Variants in ARMC2 observed in about 807,000 individuals in gnomAD.
The protein encoded by ARMC2 is armadillo repeat-containing protein 2.
Under a neutral mutation model 90.3 loss-of-function variants are expected in ARMC2, and 67 were observed. The ratio of observed to expected loss-of-function variants is 0.74; its 90% CI spans 0.61 to 0.91. ARMC2 has a LOEUF of 0.91. Ranked by LOEUF, ARMC2 falls within the 40% of genes least tolerant of loss-of-function variation. The probability of loss-of-function intolerance (pLI) is 0.00; values close to 1 mark genes in which losing one functional copy is unlikely to be tolerated. For missense variants in ARMC2, 920 were observed against 1,030.9 expected, an observed-to-expected ratio of 0.89 and a Z score of 1.47; for synonymous variants, 393 against 393.0, an observed-to-expected ratio of 1.00 and a Z score of 0.00.
intron 17 of ARMC2, among the ~76,000 whole-genome samples, chr6:108,967,799 G>A (rs368940187): frequency 1.3e-5 from 2 of 152,116 alleles, no homozygotes; most frequent in African/African-American, 2.4e-5. Context: ...GGCTGACTGC[G>A]CTCCATTCCC....
chr6:108,954,862 T>A (rs552293792), intron 13 of ARMC2, among the ~76,000 whole-genome samples: 1 of 152,162 alleles, frequency 6.6e-6, no homozygotes, highest in Non-Finnish European at 1.5e-5. Context: ...TCCCGTAAAC[T>A]GGGGAGCTTC....
intron 1 of ARMC2, among the ~76,000 whole-genome samples, 185 bp from the exon 2 acceptor site, chr6:108,854,040 T>C (rs1248451551): frequency 6.6e-6 from 1 of 152,108 alleles, no homozygotes; most frequent in Non-Finnish European, 1.5e-5. Context: ...CAGTTGTATA[T>C]TTTTGAGGAA....
intron 5 of ARMC2, among the ~76,000 whole-genome samples, chr6:108,881,554 G>A (rs1234777856): frequency 2.6e-5 from 4 of 152,108 alleles, no homozygotes; most frequent in African/African-American, 9.7e-5. Flanking sequence ...TTTAATTAAA[G>A]ATATGAGATC....
In ARMC2 at chr6:108,876,350, G is replaced by C. The variant is rs781647646; in HGVS notation, c.671G>C (p.Gly224Ala). The C allele has an allele frequency of 3.1e-6, 5 of 1,608,000 alleles. No homozygotes were observed. The highest frequency in any genetic ancestry group is 2.7e-5 in the African/African-American group (2 of 74,596). The stretch of plus-strand genomic sequence containing the variant: ...TTACCATCTCATCTCAAGAATGGAG[G>C]GTCAGTATTCTTTTTATTTAATTTT... The part of the protein sequence containing the change: ...TSLPSHLKNG[G>A]DQGKRHARAS... Residue 224 changes from glycine to alanine, a missense_variant and splice_region_variant, in exon 5 of 18, where the codon GGG becomes GCG. Coordinates refer to ENST00000392644, the MANE Select transcript of ARMC2 (RefSeq NM_032131.6).
intron 5 of ARMC2, among the ~76,000 whole-genome samples, chr6:108,889,882 T>C (rs1434793788): frequency 6.6e-6 from 1 of 151,706 alleles, no homozygotes; most frequent in African/African-American, 2.4e-5. Context: ...CTATTGGACT[T>C]TTCCATTAAA....
intron 8 of ARMC2, among the ~76,000 whole-genome samples, chr6:108,907,025 A>T (rs1054625288): frequency 9.2e-5 from 14 of 152,232 alleles, no homozygotes; most frequent in African/African-American, 3.1e-4. Context: ...TCTTAAAGTC[A>T]TAATTTTACG....
At position 108,964,277 on chromosome 6, in the gene ARMC2, G is replaced by C; in HGVS notation, c.2250G>C (p.Lys750Asn). ...TCAATCTCACTGTGGATAAAGACAAGCGTGTCATCTTGAAAGAAGGAGGTG... is the reference window on the plus strand; with the variant it reads ...TCAATCTCACTGTGGATAAAGACAACCGTGTCATCTTGAAAGAAGGAGGTG... ...VLLNLTVDKD[K>N]RVILKEGGGI... The change falls in exon 16 of 18, where the codon AAG becomes AAC. Residue 750 changes from lysine (K) to asparagine (N), a missense_variant. Physicochemically the swap from Lys to Asn is moderately conservative, Grantham distance 94. Coordinates refer to ENST00000392644, the MANE Select transcript of ARMC2 (RefSeq NM_032131.6). The C allele has an allele frequency of 6.2e-7, 1 of 1,614,000 alleles. No homozygotes were observed. Among genetic ancestry groups the C allele is most frequent in the Non-Finnish European group, 8.5e-7 (1 of 1,179,888 alleles).
intron 11 of ARMC2, among the ~76,000 whole-genome samples, chr6:108,932,013 C>T (rs1775600546): frequency 1.3e-5 from 2 of 151,898 alleles, no homozygotes; most frequent in Admixed American, 1.3e-4. Context: ...GATCTGCCCG[C>T]CTCAGCCTCC....
Position 108,955,343 on chromosome 6 carries a change from C to T in ARMC2, c.1915+1992C>T, listed in dbSNP as rs114064515. On this transcript the variant is annotated intron_variant, in intron 13 of 17. Coordinates refer to ENST00000392644, the MANE Select transcript of ARMC2 (RefSeq NM_032131.6). ...CAGCTAAGGGACGGGTGGCAGAGCC[C>T]GGCTGCGGGCATGTGAGTGACAAGG... Among the ~76,000 whole-genome samples, 910 of 152,278 alleles carry T rather than the reference C, an allele frequency of 6.0e-3. 8 individuals are homozygous for T. The highest frequency in any genetic ancestry group is 0.019 in the African/African-American group (790 of 41,528).
At chr6:109,012,160 G>T in the ARMC2 span, among the ~76,000 whole-genome samples, 2 of 151,968 alleles carry the variant, frequency 1.3e-5, no homozygotes, top group Admixed American at 6.6e-5. Context: ...AAAGGGCTGT[G>T]TTTTTGATAT....
chr6:109,009,102 A>T, the ARMC2 span: 4 of 772,258 alleles, frequency 5.2e-6, no homozygotes, highest in Non-Finnish European at 7.0e-6. Context: ...AGTCTCTCCC[A>T]GCTTAGCATT....
rs764176399 is a variant in ARMC2, at chr6:108,928,022, A to G, written c.1351-66A>G. The G allele has an allele frequency of 3.5e-4, 522 of 1,477,836 alleles. 4 individuals are homozygous for G. Among genetic ancestry groups the G allele is most frequent in the Non-Finnish European group, 6.8e-5 (75 of 1,095,654 alleles). 91.5% of individuals were successfully genotyped at this position (1,477,836 alleles called of 1,614,324 possible). A position where few individuals can be genotyped will look rare whatever the true frequency, so the allele number is the denominator to read the frequency against. On this transcript the variant is annotated intron_variant, in intron 10 of 17. Coordinates refer to ENST00000392644, the MANE Select transcript of ARMC2 (RefSeq NM_032131.6). The stretch of plus-strand genomic sequence containing the variant: ...GGAAATTTATGAAATGAATTGTACT[A>G]TGCTGTTTCGTGTGGTTATATTTTT...
the ARMC2 span, among the ~76,000 whole-genome samples, chr6:109,011,920 C>T: frequency 3.3e-5 from 5 of 152,218 alleles, no homozygotes; most frequent in African/African-American, 1.2e-4. Flanking sequence ...TGAGCCACCA[C>T]ACCCAGCCCA....
chr6:108,854,335 A>G lies in ARMC2; in HGVS notation c.68A>G (p.Gln23Arg), dbSNP rs754003957. ...DPFYQPSVSK[Q>R]KTSAEIISEA... ...TTTTATCAACCTTCAGTGTCCAAGC[A>G]GAAGACCAGTGCAGAAATCATAAGT... The change falls in exon 2 of 18, where the codon CAG (glutamine) becomes CGG (arginine). Residue 23 changes from glutamine to arginine, a missense_variant. Gln to Arg is a conservative substitution (Grantham distance 43). Coordinates refer to ENST00000392644, the MANE Select transcript of ARMC2 (RefSeq NM_032131.6). 1 of 1,612,810 alleles carries G rather than the reference A, an allele frequency of 6.2e-7. No individual in the cohort carries two copies. The highest frequency in any genetic ancestry group is 1.1e-5 in the South Asian group (1 of 91,030).
intron 6 of ARMC2, among the ~76,000 whole-genome samples, chr6:108,895,565 GTGTT>G (rs1024200288): frequency 1.4e-4 from 21 of 149,790 alleles, no homozygotes; most frequent in Non-Finnish European, 1.5e-5. Context: ...GGCCTTTAAA[GTGTT>G]TGAGAAAATA....
the ARMC2 span, among the ~76,000 whole-genome samples, chr6:108,989,081 C>G: frequency 1.3e-5 from 2 of 152,170 alleles, no homozygotes. Flanking sequence ...TGGCTTATTG[C>G]AACCTCTGCT....
intron 8 of ARMC2, chr6:108,907,726 G>T: frequency 1.2e-6 from 2 of 1,609,554 alleles, no homozygotes; most frequent in Non-Finnish European, 1.7e-6. Context: ...TCTTCACATT[G>T]ATGTACTTGT....
chr6:108,867,536 G>A (rs1479311723), intron 3 of ARMC2, among the ~76,000 whole-genome samples: 2 of 152,132 alleles, frequency 1.3e-5, no homozygotes, highest in Admixed American at 6.5e-5. Context: ...GGAGGCCAAG[G>A]CAGGTGGCTC....
intron 3 of ARMC2, 72 bp from the exon 4 acceptor site, chr6:108,868,752 G>A (rs1776085885): frequency 4.8e-6 from 7 of 1,444,318 alleles, no homozygotes; most frequent in Non-Finnish European, 6.6e-6. Flanking sequence ...GAAGGGTTGT[G>A]GCCAGCTCTG....
Sources: allele counts gnomAD v4.1 joint callset (sites outside exome capture counted in the v4.1 genomes callset), GRCh38; gene constraint gnomAD v4.1.1; transcripts MANE v1.5; gene names NCBI Gene and HGNC (gene_info 2026-07-23, HGNC 2026-07-21).